MPIG6B: variants seen among roughly 807,000 people sequenced by gnomAD.
MPIG6B encodes the protein immunoglobulin receptor.
In MPIG6B, 22 loss-of-function variants were observed where a neutral mutation model predicts 24.2. The ratio of observed to expected loss-of-function variants is 0.91; its 90% CI spans 0.65 to 1.30. The LOEUF (loss-of-function observed/expected upper bound fraction) is 1.30, where lower values mean the gene tolerates loss of function less well. Among genes scored for constraint, MPIG6B ranks in the 50% most tolerant of loss-of-function variants. The pLI is 0.00. For synonymous variants in MPIG6B, 136 were observed against 142.0 expected (o/e 0.96, Z 0.30); for missense variants, 301 against 318.5 (o/e 0.94, Z 0.42).
chr6:31,724,718 C>A lies in MPIG6B; in HGVS notation c.542-47C>A, dbSNP rs750607927. The A allele has an allele frequency of 1.9e-6, 3 of 1,611,528 alleles. No homozygotes were observed. The South Asian group carries it at 3.3e-5, about 18-fold the overall frequency. On this transcript the variant is annotated intron_variant, in intron 4 of 5. Transcript: ENST00000649779. Reference sequence around the variant, plus strand: ...TCTGAGCCCTTGCTGGGAGCAGACACGTTGGTCACCTTCTCTCCATCCTTC... The same window carrying A: ...TCTGAGCCCTTGCTGGGAGCAGACAAGTTGGTCACCTTCTCTCCATCCTTC...
rs753553740 is a variant in MPIG6B, at chr6:31,723,765, T to C, written c.188T>C (p.Ile63Thr). The C allele has an allele frequency of 2.5e-6, 4 of 1,613,750 alleles. No homozygotes were observed. The African/African-American group carries it at 5.3e-5, about 22-fold the overall frequency. Residue 63 changes from isoleucine to threonine, a missense_variant, in exon 2 of 6, where the codon ATC becomes ACC. By Grantham distance (89) the Ile-to-Thr change is moderately conservative. Coordinates refer to ENST00000649779, the MANE Select transcript of MPIG6B (RefSeq NM_138272.3). This position sits in a 1 kb window ranked among gnomAD's most constrained non-coding sequence, Gnocchi z 4.3. ...GGCCTGTCCAAAGGACGCCGACCGA[T>C]CCTGTGGGCCTCTTCGAGCGGGACC... ...CKGLSKGRRP[I>T]LWASSSGTPT...
At chr6:31,721,726 G>C, upstream of MPIG6B, 1 of 1,598,744 alleles carries the variant, frequency 6.3e-7, no homozygotes, top group South Asian at 1.1e-5. Flanking sequence ...TGATAGAGTA[G>C]ATTTTCAAGG....
upstream of MPIG6B, among the ~76,000 whole-genome samples, chr6:31,720,680 A>G (rs1435455818): frequency 2.6e-5 from 4 of 152,218 alleles, no homozygotes; most frequent in Non-Finnish European, 4.4e-5. This position sits in a 1 kb window ranked among gnomAD's most constrained non-coding sequence, Gnocchi z 4.9. Context: ...CAGCTTTAGC[A>G]ATTTACAATT....
chr6:31,724,943 C>T (rs1380852113), intron 5 of MPIG6B, 27 bp from the exon 6 acceptor site: 1 of 1,611,638 alleles, frequency 6.2e-7, no homozygotes, highest in East Asian at 2.2e-5. Context: ...TGGAGACCAT[C>T]TTGTCTTCCT....
At position 31,725,019 on chromosome 6, in the gene MPIG6B, G is replaced by A. The variant is rs747701078; in HGVS notation, c.671G>A (p.Arg224Gln). The change falls in exon 6 of 6, where the codon CGG becomes CAG. Residue 224 changes from arginine (R) to glutamine (Q), a missense_variant. Coordinates refer to ENST00000649779, the MANE Select transcript of MPIG6B (RefSeq NM_138272.3). The surrounding 1 kb of genome is among the most constrained non-coding windows in gnomAD (Gnocchi z 5.2). ...CATCTAGCCCTCAGCAGGCCCCGCC[G>A]GCTGTCCACAGCGGACCCTGCTGAT... ...LDHLALSRPR[R>Q]LSTADPADAS... is the part of the protein sequence containing the mutation. 8.1e-6 allele frequency: 13 copies of A among 1,613,656 alleles called. No homozygotes were observed. The highest frequency in any genetic ancestry group is 1.3e-5 in the African/African-American group (1 of 74,892).
chr6:31,724,244 G>T lies in MPIG6B; in HGVS notation c.500+12G>T. On this transcript the variant is annotated intron_variant, in intron 3 of 5. Coordinates refer to ENST00000649779, the MANE Select transcript of MPIG6B (RefSeq NM_138272.3). ...TGGTGGCTGCACAGGTGAGCAGGAG[G>T]GACCCGGCCTCGTTAAATGGGGAGT... 1 of 1,607,680 alleles carries T rather than the reference G, an allele frequency of 6.2e-7. No homozygotes were observed.
upstream of MPIG6B, chr6:31,723,352 C>G (rs762359885): frequency 1.4e-5 from 22 of 1,597,656 alleles, 2 homozygotes; most frequent in South Asian, 2.4e-4. This position sits in a 1 kb window ranked among gnomAD's most constrained non-coding sequence, Gnocchi z 4.3. Context: ...GCCGCTGATT[C>G]GCTCGCAGCT....
At chr6:31,721,616 C>T (rs774953902), upstream of MPIG6B, 8 of 1,613,218 alleles carry the variant, frequency 5.0e-6, no homozygotes, top group Non-Finnish European at 5.1e-6. Context: ...TTTGGGGCCC[C>T]CAGGTGCTCA....
upstream of MPIG6B, among the ~76,000 whole-genome samples, chr6:31,722,292 G>A (rs759349557): frequency 3.9e-5 from 6 of 152,176 alleles, no homozygotes; most frequent in South Asian, 2.1e-4. Context: ...GCAGAGGCAG[G>A]GGCTGGGGCT....
At position 31,724,984 on chromosome 6, in the gene MPIG6B, G is replaced by A. The variant is rs372023490; in HGVS notation, c.636G>A (p.Ala212=). The A allele has an allele frequency of 2.4e-5, 39 of 1,613,726 alleles. No homozygotes were observed. The highest frequency in any genetic ancestry group is 9.4e-5 in the African/African-American group (7 of 74,866). Residue 212 remains alanine (A), a synonymous_variant, in exon 6 of 6, where the codon GCG becomes GCA. Transcript: ENST00000649779. ...TCCTCCTCCAGAGCCTGCTCTATGCGGATCTGGACCATCTAGCCCTCAGCA... is the reference window on the plus strand; with the variant it reads ...TCCTCCTCCAGAGCCTGCTCTATGCAGATCTGGACCATCTAGCCCTCAGCA... ...DLDQEPSLLY[A]DLDHLALSRP... is the part of the protein sequence containing the mutation.
Position 31,725,330 on chromosome 6 carries a change from C to CA in MPIG6B, c.*256_*257insA. 1 of 333,226 alleles carries CA rather than the reference C, an allele frequency of 3.0e-6. No individual in the cohort carries two copies. Among genetic ancestry groups the CA allele is most frequent in the Non-Finnish European group, 5.4e-6 (1 of 185,872 alleles). The allele number at this position is 333,226 out of a possible 1,614,324, so 20.6% of individuals were successfully genotyped here. A position where few individuals can be genotyped will look rare whatever the true frequency, so the allele number is the denominator to read the frequency against. ...TCTATACCCAATCAAGCCCTAGCTC[C>CA]TTTTTTTTTTTTTTTTGAGACGGAG... On this transcript the variant is annotated 3_prime_UTR_variant, in exon 6 of 6. Transcript: ENST00000649779. The surrounding 1 kb of genome is among the most constrained non-coding windows in gnomAD (Gnocchi z 5.2).
Position 31,723,810 on chromosome 6 carries a change from A to G in MPIG6B, c.233A>G (p.Gln78Arg). 1 of 1,613,924 alleles carries G rather than the reference A, an allele frequency of 6.2e-7. No individual in the cohort carries two copies. Among genetic ancestry groups the G allele is most frequent in the Non-Finnish European group, 8.5e-7 (1 of 1,179,932 alleles). The change falls in exon 2 of 6, where the codon CAG (glutamine) becomes CGG (arginine). Residue 78 changes from glutamine (Q) to arginine (R), a missense_variant. Transcript: ENST00000649779. The surrounding 1 kb of genome is among the most constrained non-coding windows in gnomAD (Gnocchi z 4.3). ...GGGACCCCCACCGTGCCTCCCCTCC[A>G]GCCTTTCGTCGGCCGCCTACGCTCC... ...SSGTPTVPPLQPFVGRLRSLD... is the reference protein window; with the variant it reads ...SSGTPTVPPLRPFVGRLRSLD...
At chr6:31,721,678 A>G, upstream of MPIG6B, 1 of 1,614,058 alleles carries the variant, frequency 6.2e-7, no homozygotes, top group Non-Finnish European at 8.5e-7. Flanking sequence ...AAGGGCTTTC[A>G]TGGCGAGGGT....
At position 31,723,616 on chromosome 6, in the gene MPIG6B, C is replaced by G; in HGVS notation, c.62-23C>G. 6.5e-7 allele frequency: 1 copy of G among 1,536,866 alleles called. No homozygotes were observed. The highest frequency in any genetic ancestry group is 8.8e-7 in the Non-Finnish European group (1 of 1,142,218). On this transcript the variant is annotated intron_variant, in intron 1 of 5. Coordinates refer to ENST00000649779, the MANE Select transcript of MPIG6B (RefSeq NM_138272.3). The surrounding 1 kb of genome is among the most constrained non-coding windows in gnomAD (Gnocchi z 4.3). ...GTCTTGCCCTGTGGACGTGCCCTAACCACAGCCTCCGGCCTCTCCTAGCTT... is the reference window on the plus strand; with the variant it reads ...GTCTTGCCCTGTGGACGTGCCCTAAGCACAGCCTCCGGCCTCTCCTAGCTT...
upstream of MPIG6B, among the ~76,000 whole-genome samples, chr6:31,722,204 C>T (rs1021887375): frequency 2.0e-5 from 3 of 152,152 alleles, no homozygotes; most frequent in Non-Finnish European, 4.4e-5. Context: ...AATTAATCTC[C>T]ATTCAGCCCC....
Position 31,724,000 on chromosome 6 carries a change from T to G in MPIG6B, c.409+14T>G, listed in dbSNP as rs780536057. 1 of 1,559,992 alleles carries G rather than the reference T, an allele frequency of 6.4e-7. No individual in the cohort carries two copies. The highest frequency in any genetic ancestry group is 2.3e-5 in the East Asian group (1 of 44,444). On this transcript the variant is annotated intron_variant, in intron 2 of 5. Transcript: ENST00000649779. This position sits in a 1 kb window ranked among gnomAD's most constrained non-coding sequence, Gnocchi z 4.3. The stretch of plus-strand genomic sequence containing the variant: ...GGCCTACCCATGGTAGGTGCAGGCC[T>G]GTGCGCACAAGGGTACTTAACTCCG...
At chr6:31,724,370 G>GA in intron 3 of MPIG6B, 138 bp downstream of exon 3, 2 of 825,936 alleles carry the variant, frequency 2.4e-6, no homozygotes, top group South Asian at 3.1e-5. Flanking sequence ...GGTCAAAGGT[G>GA]GGAGCGAGGC....
At chr6:31,724,303 C>G in intron 3 of MPIG6B, 71 bp downstream of exon 3, 2 of 1,282,878 alleles carry the variant, frequency 1.6e-6, no homozygotes, top group Non-Finnish European at 1.1e-6. Context: ...CCAGAACCTT[C>G]GCAAAAGAAA....
Position 31,725,015 on chromosome 6 carries a change from C to T in MPIG6B, c.667C>T (p.Arg223Cys), listed in dbSNP as rs748914079. The T allele has an allele frequency of 1.6e-5, 26 of 1,613,744 alleles. No homozygotes were observed. The highest frequency in any genetic ancestry group is 1.2e-4 in the Admixed American group (7 of 60,010). ...DLDHLALSRP[R>C]RLSTADPADA... is the part of the protein sequence containing the mutation. ...GGACCATCTAGCCCTCAGCAGGCCCCGCCGGCTGTCCACAGCGGACCCTGC... is the reference window on the plus strand; with the variant it reads ...GGACCATCTAGCCCTCAGCAGGCCCTGCCGGCTGTCCACAGCGGACCCTGC... Residue 223 changes from arginine (R) to cysteine (C), a missense_variant, in exon 6 of 6, where the codon CGC (arginine) becomes TGC (cysteine). Arg to Cys is a radical substitution (Grantham distance 180). Coordinates refer to ENST00000649779, the MANE Select transcript of MPIG6B (RefSeq NM_138272.3). The surrounding 1 kb of genome is among the most constrained non-coding windows in gnomAD (Gnocchi z 5.2).
Sources: allele counts gnomAD v4.1 joint callset (sites outside exome capture counted in the v4.1 genomes callset), GRCh38; gene constraint gnomAD v4.1.1; non-coding constraint Gnocchi (gnomAD v3.1); transcripts MANE v1.5; gene names NCBI Gene and HGNC (gene_info 2026-07-23, HGNC 2026-07-21).